BLTP1: variants seen among roughly 807,000 people sequenced by gnomAD.
BLTP1 encodes the protein bridge-like lipid transfer protein family member 1, also known as fragile site-associated protein.
At chr4:122,185,283 G>A in the BLTP1 span, 1 of 980,944 alleles carries the variant, frequency 1.0e-6, no homozygotes, top group Admixed American at 6.2e-5. Flanking sequence ...GTTTGAATTT[G>A]TTCAATAGAG....
chr4:122,188,188 C>T, the BLTP1 span: 2 of 1,224,054 alleles, frequency 1.6e-6, no homozygotes, highest in South Asian at 2.3e-5. Flanking sequence ...ACAAGTTGTA[C>T]AAAAATTAGG....
At chr4:122,160,347 G>A in the BLTP1 span, among the ~76,000 whole-genome samples, 1 of 152,104 alleles carries the variant, frequency 6.6e-6, no homozygotes, top group Admixed American at 6.5e-5. Context: ...TAAATAAATG[G>A]GTGGTGTAAT....
chr4:122,178,011 T>A, the BLTP1 span: 2 of 593,226 alleles, frequency 3.4e-6, no homozygotes, highest in Non-Finnish European at 4.2e-6. Flanking sequence ...AGAAAAATGC[T>A]TAGTACATAG....
the BLTP1 span, among the ~76,000 whole-genome samples, chr4:122,283,128 A>G: frequency 6.6e-6 from 1 of 152,128 alleles, no homozygotes. Context: ...TCTTCCTAGG[A>G]TAATAAAAAT....
At chr4:122,221,174 AATG>A in the BLTP1 span, 2 of 323,038 alleles carry the variant, frequency 6.2e-6, no homozygotes, top group Non-Finnish European at 4.5e-6. Context: ...AGAAATCATC[AATG>A]AATGATCATT....
chr4:122,197,325 A>C, the BLTP1 span: 1 of 1,241,356 alleles, frequency 8.1e-7, no homozygotes, highest in Non-Finnish European at 1.1e-6. Context: ...AAATAATTAT[A>C]AATAATAAAG....
At chr4:122,309,484 A>C in the BLTP1 span, 1 of 1,606,580 alleles carries the variant, frequency 6.2e-7, no homozygotes, top group Non-Finnish European at 8.5e-7. Flanking sequence ...TTTTATTTCT[A>C]TATACAGTTT....
At chr4:122,358,120 C>T in the BLTP1 span, among the ~76,000 whole-genome samples, 1 of 152,094 alleles carries the variant, frequency 6.6e-6, no homozygotes. Flanking sequence ...CCAACAGATA[C>T]CAGTCACTGG....
the BLTP1 span, among the ~76,000 whole-genome samples, chr4:122,253,931 G>T: frequency 6.6e-6 from 1 of 152,152 alleles, no homozygotes; most frequent in Non-Finnish European, 1.5e-5. Flanking sequence ...ATACGATGGA[G>T]CTCTGATAAA....
the BLTP1 span, among the ~76,000 whole-genome samples, chr4:122,222,361 A>T: frequency 2.8e-4 from 43 of 152,312 alleles, no homozygotes; most frequent in African/African-American, 9.9e-4. Flanking sequence ...CAAGGCTTCA[A>T]GATGAAGGTT....
the BLTP1 span, among the ~76,000 whole-genome samples, chr4:122,274,916 AT>A: frequency 1.3e-5 from 2 of 152,112 alleles, no homozygotes; most frequent in African/African-American, 4.8e-5. Flanking sequence ...CTTGGGGAAT[AT>A]TTCCTGAAAT....
chr4:122,224,435 A>T, the BLTP1 span: 1 of 1,520,304 alleles, frequency 6.6e-7, no homozygotes, highest in East Asian at 2.3e-5. Context: ...GTGGGGGGAA[A>T]CAACTAGAAA....
the BLTP1 span, chr4:122,298,100 C>T: frequency 1.0e-5 from 7 of 688,716 alleles, no homozygotes; most frequent in Non-Finnish European, 1.3e-5. Flanking sequence ...ATATTAGATA[C>T]ATAGATAGAT....
chr4:122,253,632 C>T, the BLTP1 span, among the ~76,000 whole-genome samples: 11 of 151,908 alleles, frequency 7.2e-5, no homozygotes, highest in Admixed American at 2.6e-4. Context: ...TGAAAAAGAA[C>T]GAAGCATGCC....
At chr4:122,187,772 GT>G in the BLTP1 span, 6 of 1,146,680 alleles carry the variant, frequency 5.2e-6, no homozygotes, top group Non-Finnish European at 7.1e-6. Flanking sequence ...ATAGCACATA[GT>G]CCTAAAGTGG....
the BLTP1 span, chr4:122,244,050 C>T: frequency 5.2e-6 from 8 of 1,551,460 alleles, no homozygotes; most frequent in Admixed American, 1.0e-4. Flanking sequence ...TCTAGAAATA[C>T]AACTGTTGCT....
chr4:122,208,523 A>C, the BLTP1 span: 4 of 947,164 alleles, frequency 4.2e-6, no homozygotes, highest in Middle Eastern at 5.4e-4. Flanking sequence ...AGACAATACT[A>C]TCTGAAAAAT....
At chr4:122,296,828 C>A in the BLTP1 span, among the ~76,000 whole-genome samples, 1 of 152,128 alleles carries the variant, frequency 6.6e-6, no homozygotes, top group Non-Finnish European at 1.5e-5. Context: ...AAAAGGGTTC[C>A]CTGTTTAATA....
the BLTP1 span, among the ~76,000 whole-genome samples, chr4:122,327,295 A>G: frequency 6.6e-6 from 1 of 151,704 alleles, no homozygotes; most frequent in African/African-American, 2.4e-5. Flanking sequence ...AAATGGTGCA[A>G]TATTTGCACA....
Sources: gnomAD v4.1 joint callset for allele counts (sites outside exome capture counted in the v4.1 genomes callset) on GRCh38, gnomAD v4.1.1 for gene constraint, MANE v1.5 for transcripts, NCBI Gene and HGNC (gene_info 2026-07-23, HGNC 2026-07-21) for gene names.